The following CCDC18 variants were observed in gnomAD, a reference collection of about 807,000 sequenced individuals.
CCDC18 encodes coiled-coil domain-containing protein 18.
In CCDC18, 157 loss-of-function variants were observed where a neutral mutation model predicts 196.0. That is an observed-to-expected ratio of 0.80 (90% CI 0.70 to 0.91). The LOEUF (loss-of-function observed/expected upper bound fraction) is 0.91, where lower values mean the gene tolerates loss of function less well. Ranked by LOEUF, CCDC18 falls within the 40% of genes least tolerant of loss-of-function variation. The pLI, the probability that CCDC18 is intolerant of heterozygous loss-of-function variation, is 0.00. For synonymous variants in CCDC18, 482 were observed against 529.2 expected, an observed-to-expected ratio of 0.91 and a Z score of 1.22; for missense variants, 1,465 against 1,611.6, an observed-to-expected ratio of 0.91 and a Z score of 1.56.
At position 93,271,763 on chromosome 1, in the gene CCDC18, A is replaced by T. The variant is rs183227980; in HGVS notation, c.4353+949A>T. Among the ~76,000 whole-genome samples, 854 of 152,302 alleles carry T rather than the reference A, an allele frequency of 5.6e-3. 8 individuals are homozygous for T. The highest frequency in any genetic ancestry group is 0.011 in the African/African-American group (449 of 41,580). ...ACTGTATTTGTCTCTTGAATATTAA[A>T]TTTACTGTTTTCTTGAAAGTCACAA... On this transcript the variant is annotated intron_variant, in intron 28 of 28. Coordinates refer to ENST00000690025, the MANE Select transcript of CCDC18 (RefSeq NM_001378204.1).
At chr1:93,184,241 GA>G (rs1014664499) in intron 3 of CCDC18, 95 bp downstream of exon 3, 25 of 499,096 alleles carry the variant, frequency 5.0e-5, no homozygotes, top group African/African-American at 4.4e-4. Flanking sequence ...TTAAATTAAA[GA>G]AAAAAATTTT....
At chr1:93,233,877 G>C (rs945132299) in intron 18 of CCDC18, among the ~76,000 whole-genome samples, 1 of 152,104 alleles carries the variant, frequency 6.6e-6, no homozygotes, top group East Asian at 1.9e-4. Flanking sequence ...GATTACAGGC[G>C]TGAGCCACTG....
At position 93,270,730 on chromosome 1, in the gene CCDC18, G is replaced by A. The variant is rs984967694; in HGVS notation, c.4269G>A (p.Thr1423=). ...ADSSENNDFN[T]LSGMLRYINK... Reference sequence around the variant, plus strand: ...GTTCTGAGAATAATGACTTTAACACGCTTAGTGGGATGCTAAGATACATAA... The same window carrying A: ...GTTCTGAGAATAATGACTTTAACACACTTAGTGGGATGCTAAGATACATAA... Residue 1423 remains threonine, a synonymous_variant, in exon 28 of 29, where the codon ACG becomes ACA. Coordinates refer to ENST00000690025, the MANE Select transcript of CCDC18 (RefSeq NM_001378204.1). The A allele has an allele frequency of 8.4e-6, 13 of 1,549,774 alleles. No individual in the cohort carries two copies. The highest frequency in any genetic ancestry group is 5.5e-5 in the African/African-American group (4 of 72,952).
chr1:93,256,112 G>A (rs1570595800), intron 24 of CCDC18, among the ~76,000 whole-genome samples: 2 of 151,930 alleles, frequency 1.3e-5, no homozygotes, highest in Admixed American at 1.3e-4. Flanking sequence ...ATATCAATAA[G>A]AGTCCCAATT....
At chr1:93,192,554 C>T (rs1237202792) in intron 5 of CCDC18, among the ~76,000 whole-genome samples, 1 of 152,210 alleles carries the variant, frequency 6.6e-6, no homozygotes, top group East Asian at 1.9e-4. Context: ...GCCTCAGCCT[C>T]CCAAGGAGGT....
chr1:93,181,063 C>T (rs2815408), intron 1 of CCDC18, among the ~76,000 whole-genome samples: 125,605 of 151,776 alleles, frequency 0.83, 52,205 homozygotes, highest in East Asian at 1. Flanking sequence ...ACGCCTGTTA[C>T]CTCAGCACTT....
At chr1:93,275,726 C>CATA (rs879344295) in intron 28 of CCDC18, among the ~76,000 whole-genome samples, 38 of 152,276 alleles carry the variant, frequency 2.5e-4, no homozygotes, top group Admixed American at 4.6e-4. Flanking sequence ...TAAGCAGGAG[C>CATA]ATAGGGGACT....
chr1:93,270,734 A>G lies in CCDC18; in HGVS notation c.4273A>G (p.Ser1425Gly). 1 of 1,550,120 alleles carries G rather than the reference A, an allele frequency of 6.5e-7. No homozygotes were observed. Among genetic ancestry groups the G allele is most frequent in the South Asian group, 1.2e-5 (1 of 84,008 alleles). Reference protein sequence around the residue: ...SSENNDFNTLSGMLRYINKEV... With the variant: ...SSENNDFNTLGGMLRYINKEV... ...TGAGAATAATGACTTTAACACGCTT[A>G]GTGGGATGCTAAGATACATAAACAA... Residue 1425 changes from serine to glycine, a missense_variant, in exon 28 of 29, where the codon AGT (serine) becomes GGT (glycine). Transcript: ENST00000690025.
At chr1:93,196,309 G>A (rs1652719957) in intron 6 of CCDC18, among the ~76,000 whole-genome samples, 1 of 152,182 alleles carries the variant, frequency 6.6e-6, no homozygotes, top group South Asian at 2.1e-4. Flanking sequence ...GAGTGACAGA[G>A]GAAGATTGTG....
chr1:93,210,731 G>T (rs1655477264), intron 9 of CCDC18, 71 bp from the exon 10 acceptor site: 4 of 1,125,214 alleles, frequency 3.6e-6, no homozygotes, highest in Non-Finnish European at 3.8e-6. Flanking sequence ...TTTAAAATTT[G>T]AAGTTCTGAA....
chr1:93,242,044 T>C (rs1489944976), intron 21 of CCDC18, among the ~76,000 whole-genome samples: 1 of 152,178 alleles, frequency 6.6e-6, no homozygotes, highest in East Asian at 1.9e-4. Flanking sequence ...GTAATTCCAC[T>C]CCTAGTTTTG....
intron 3 of CCDC18, among the ~76,000 whole-genome samples, chr1:93,185,244 T>C (rs1346126819): frequency 6.6e-6 from 1 of 151,954 alleles, no homozygotes; most frequent in Non-Finnish European, 1.5e-5. Flanking sequence ...ATTGGTGATA[T>C]TGGGTACGGG....
intron 18 of CCDC18, among the ~76,000 whole-genome samples, chr1:93,235,129 A>T (rs1219246380): frequency 1.3e-5 from 2 of 151,672 alleles, no homozygotes; most frequent in Non-Finnish European, 2.9e-5. Context: ...CTGGCAAGAT[A>T]TTAATGGTTT....
intron 28 of CCDC18, 30 bp downstream of exon 28, chr1:93,270,844 T>C (rs1665196337): frequency 4.4e-6 from 6 of 1,376,696 alleles, no homozygotes; most frequent in Non-Finnish European, 3.8e-6. Flanking sequence ...TAAACTGTAA[T>C]AATTTGTTTC....
chr1:93,234,760 G>A lies in CCDC18; in HGVS notation c.2461-1488G>A, dbSNP rs1341026944. ...TTTTCTTCTTGAAACTTGAGGTGGA[G>A]GGGTGGATATTAATGGGGTTTTCTT... On this transcript the variant is annotated intron_variant, in intron 18 of 28. Transcript: ENST00000690025. Among the ~76,000 whole-genome samples the A allele has an allele frequency of 3.0e-5, 4 of 134,396 alleles. No homozygotes were observed. The East Asian group carries it at 5.9e-4, about 20-fold the overall frequency. 88.2% of individuals were successfully genotyped at this position (134,396 alleles called of 152,430 possible). A position where few individuals can be genotyped will look rare whatever the true frequency, so the allele number is the denominator to read the frequency against.
At chr1:93,193,173 T>C (rs1470653415) in intron 5 of CCDC18, among the ~76,000 whole-genome samples, 1 of 152,160 alleles carries the variant, frequency 6.6e-6, no homozygotes, top group Non-Finnish European at 1.5e-5. Context: ...AAAAAAAATT[T>C]TGTTTCTGAG....
At chr1:93,207,460 T>G (rs1352267268) in intron 9 of CCDC18, 62 bp downstream of exon 9, 1 of 1,253,608 alleles carries the variant, frequency 8.0e-7, no homozygotes. Context: ...TAGAAAAGAC[T>G]ATCATTTTGT....
chr1:93,265,228 C>A (rs113691528), intron 27 of CCDC18, among the ~76,000 whole-genome samples: 3 of 152,144 alleles, frequency 2.0e-5, no homozygotes, highest in African/African-American at 4.8e-5. Context: ...GTAGGCCGGG[C>A]GTGGTGGCTC....
At chr1:93,180,693 CG>C (rs765188553), upstream of CCDC18, 42 of 1,344,534 alleles carry the variant, frequency 3.1e-5, no homozygotes, top group Non-Finnish European at 4.0e-5. Context: ...GGGCAGTGAC[CG>C]GGTAGGCGCG....
Sources: gnomAD v4.1 joint callset for allele counts (sites outside exome capture counted in the v4.1 genomes callset) on GRCh38, gnomAD v4.1.1 for gene constraint, MANE v1.5 for transcripts, NCBI Gene and HGNC (gene_info 2026-07-23, HGNC 2026-07-21) for gene names.